The following UBE2E2 variants were observed in gnomAD, a reference collection of about 807,000 sequenced individuals.
The protein encoded by UBE2E2 is ubiquitin-conjugating enzyme E2 E2.
A neutral mutation model predicts 24.7 loss-of-function variants in UBE2E2; 6 were observed. The ratio of observed to expected loss-of-function variants is 0.24; its 90% CI spans 0.13 to 0.48. The LOEUF (loss-of-function observed/expected upper bound fraction) is 0.48, where lower values mean the gene tolerates loss of function less well. UBE2E2 is among the 20% of genes least tolerant of loss of function. The pLI is 0.99. For synonymous variants in UBE2E2, 104 were observed against 83.6 expected (o/e 1.24, Z -1.33); for missense variants, 169 against 245.0 (o/e 0.69, Z 2.07).
chr3:23,370,529 A>G (rs1696374895), intron 3 of UBE2E2, among the ~76,000 whole-genome samples: 1 of 152,240 alleles, frequency 6.6e-6, no homozygotes, highest in South Asian at 2.1e-4. Flanking sequence ...ATTATAGGAA[A>G]TATAGAATCA....
At chr3:23,278,121 C>G (rs888149564) in intron 3 of UBE2E2, among the ~76,000 whole-genome samples, 2 of 152,018 alleles carry the variant, frequency 1.3e-5, no homozygotes, top group Admixed American at 6.5e-5. Context: ...TTGTTACCTT[C>G]TGGGAAAAGA....
intron 5 of UBE2E2, among the ~76,000 whole-genome samples, chr3:23,537,737 C>A (rs1283234824): frequency 1.3e-5 from 2 of 151,880 alleles, no homozygotes; most frequent in Admixed American, 6.6e-5. Context: ...GTCTCTGATA[C>A]CTTAGCTTTG....
chr3:23,471,765 A>G (rs1465610748), intron 3 of UBE2E2, among the ~76,000 whole-genome samples: 3 of 152,252 alleles, frequency 2.0e-5, no homozygotes, highest in Non-Finnish European at 2.9e-5. Flanking sequence ...AAAGGGGAGA[A>G]GAAACAAAGT....
At position 23,298,872 on chromosome 3, in the gene UBE2E2, C is replaced by T. The variant is rs181572513; in HGVS notation, c.227+81560C>T. 7.0e-4 allele frequency among the ~76,000 whole-genome samples: 107 copies of T among 152,292 alleles called. 5 individuals carry two copies. The East Asian group carries it at 0.016, about 22-fold the overall frequency. ...AGTTTCAGAAGGAATGGTACTAGCT[C>T]GTCTTTGTACCTCTGGTAGAATTTG... On this transcript the variant is annotated intron_variant, in intron 3 of 5. Coordinates refer to ENST00000396703, the MANE Select transcript of UBE2E2 (RefSeq NM_152653.4).
At chr3:23,377,244 C>T (rs1696547747) in intron 3 of UBE2E2, among the ~76,000 whole-genome samples, 1 of 152,094 alleles carries the variant, frequency 6.6e-6, no homozygotes, top group African/African-American at 2.4e-5. Context: ...AACTCATCTA[C>T]CTGAAAAAGT....
intron 3 of UBE2E2, among the ~76,000 whole-genome samples, chr3:23,319,025 A>C (rs1024034004): frequency 1.3e-5 from 2 of 152,182 alleles, no homozygotes; most frequent in Non-Finnish European, 2.9e-5. Flanking sequence ...TTGTGTGTTT[A>C]AGAAGCCAAT....
intron 3 of UBE2E2, among the ~76,000 whole-genome samples, chr3:23,296,795 A>G (rs1698922560): frequency 6.6e-6 from 1 of 152,236 alleles, no homozygotes; most frequent in Admixed American, 6.5e-5. Context: ...TCATAGCAGC[A>G]TGATTTATAA....
chr3:23,431,387 C>T (rs1404735093), intron 3 of UBE2E2, among the ~76,000 whole-genome samples: 4 of 152,212 alleles, frequency 2.6e-5, no homozygotes, highest in African/African-American at 7.2e-5. Context: ...GTTTCTGCAG[C>T]GGGAAAGCCA....
chr3:23,557,004 A>G (rs1409188035), intron 5 of UBE2E2, among the ~76,000 whole-genome samples: 1 of 152,214 alleles, frequency 6.6e-6, no homozygotes, highest in African/African-American at 2.4e-5. Context: ...CACATTTCTC[A>G]TCACAGACAT....
chr3:23,317,195 C>T (rs1421196543), intron 3 of UBE2E2, among the ~76,000 whole-genome samples: 2 of 152,138 alleles, frequency 1.3e-5, no homozygotes, highest in African/African-American at 2.4e-5. Context: ...GAATTGTTGT[C>T]CTTGTGGCCT....
chr3:23,537,016 G>T (rs534496368), intron 5 of UBE2E2, among the ~76,000 whole-genome samples: 1 of 152,126 alleles, frequency 6.6e-6, no homozygotes, highest in East Asian at 1.9e-4. Context: ...TTAATTTCCC[G>T]TGGCATACAG....
At chr3:23,353,599 A>G (rs1695833591) in intron 3 of UBE2E2, among the ~76,000 whole-genome samples, 1 of 152,170 alleles carries the variant, frequency 6.6e-6, no homozygotes, top group Non-Finnish European at 1.5e-5. Flanking sequence ...ATAGCAGACA[A>G]ACAGAGAGCC....
chr3:23,572,142 G>A (rs1696244760), intron 5 of UBE2E2, among the ~76,000 whole-genome samples: 1 of 152,130 alleles, frequency 6.6e-6, no homozygotes, highest in Non-Finnish European at 1.5e-5. Context: ...GTTTGATAAT[G>A]TCCATTATTT....
At chr3:23,463,177 C>A (rs905196744) in intron 3 of UBE2E2, among the ~76,000 whole-genome samples, 1 of 151,854 alleles carries the variant, frequency 6.6e-6, no homozygotes, top group Non-Finnish European at 1.5e-5. Flanking sequence ...TCTCTTTTTC[C>A]CCCTTAAAAC....
rs556981366 is a variant in UBE2E2 at position 23,364,869 on chromosome 3, C to G, written c.228-134739C>G. On this transcript the variant is annotated intron_variant, in intron 3 of 5. Coordinates refer to ENST00000396703, the MANE Select transcript of UBE2E2 (RefSeq NM_152653.4). ...CTGATGACCATAGAAGCAAAAGTCC[C>G]CAACAAAATACTAGCAAGCCAAATT... 5.9e-5 allele frequency among the ~76,000 whole-genome samples: 9 copies of G among 152,140 alleles called. No individual in the cohort carries two copies. The East Asian group carries it at 1.7e-3, about 29-fold the overall frequency.
At chr3:23,550,397 AT>A (rs1695615661) in intron 5 of UBE2E2, among the ~76,000 whole-genome samples, 1 of 152,178 alleles carries the variant, frequency 6.6e-6, no homozygotes, top group African/African-American at 2.4e-5. Flanking sequence ...CTTGACTGCT[AT>A]CCCCACTGTT....
intron 3 of UBE2E2, among the ~76,000 whole-genome samples, chr3:23,259,096 C>G (rs574769760): frequency 2.0e-5 from 3 of 151,984 alleles, no homozygotes; most frequent in African/African-American, 7.2e-5. Context: ...GTGGAAAAGA[C>G]GTCACAAGTC....
chr3:23,360,572 G>A (rs765670536), intron 3 of UBE2E2, among the ~76,000 whole-genome samples: 6 of 152,090 alleles, frequency 3.9e-5, no homozygotes, highest in Non-Finnish European at 7.4e-5. Flanking sequence ...TTCCTGACAT[G>A]GTATGCGGGG....
intron 3 of UBE2E2, among the ~76,000 whole-genome samples, chr3:23,396,576 C>T (rs530039896): frequency 2.0e-5 from 3 of 151,914 alleles, no homozygotes; most frequent in South Asian, 4.2e-4. Flanking sequence ...AGAGCATGGT[C>T]GTAGGAATCC....
Sources: allele counts gnomAD v4.1 joint callset (sites outside exome capture counted in the v4.1 genomes callset), GRCh38; gene constraint gnomAD v4.1.1; transcripts MANE v1.5; gene names NCBI Gene and HGNC (gene_info 2026-07-23, HGNC 2026-07-21).